The following NEBL variants were observed in gnomAD, a reference collection of about 807,000 sequenced individuals.
NEBL encodes nebulette.
In NEBL, 122 loss-of-function variants were observed where a neutral mutation model predicts 140.2. That is an observed-to-expected ratio of 0.87 (90% confidence interval 0.75 to 1.01). The LOEUF is 1.01. NEBL is among the 50% of genes least tolerant of loss of function. The pLI, the probability that NEBL is intolerant of heterozygous loss-of-function variation, is 0.00. For missense variants in NEBL, 1,365 were observed against 1,231.3 expected (o/e 1.11, Z -1.62); for synonymous variants, 436 against 398.9 (o/e 1.09, Z -1.11).
intron 3 of NEBL, among the ~76,000 whole-genome samples, chr10:21,216,163 G>A (rs1426223262): frequency 1.3e-5 from 2 of 152,140 alleles, no homozygotes; most frequent in Admixed American, 6.6e-5. Flanking sequence ...CCAGCCACGA[G>A]TTGTCTACAG....
chr10:20,838,250 C>T (rs1207151327), intron 13 of NEBL, among the ~76,000 whole-genome samples: 1 of 152,096 alleles, frequency 6.6e-6, no homozygotes, highest in Admixed American at 6.5e-5. Context: ...GAGAGAAGTA[C>T]AAAATATCAA....
At chr10:21,280,568 G>A (rs1261341280) in intron 1 of NEBL, among the ~76,000 whole-genome samples, 2 of 150,128 alleles carry the variant, frequency 1.3e-5, no homozygotes, top group Non-Finnish European at 3.0e-5. Flanking sequence ...TCAAGAAAGA[G>A]CCAAGACTTC....
chr10:20,839,060 G>A (rs1313745900), intron 13 of NEBL, among the ~76,000 whole-genome samples: 2 of 152,106 alleles, frequency 1.3e-5, no homozygotes, highest in Non-Finnish European at 2.9e-5. Context: ...CTCCATGTAG[G>A]ATCCATTGTG....
rs1379140341 is a variant in NEBL at position 20,785,420 on chromosome 10, A to C, written c.*327T>G. On this transcript the variant is annotated 3_prime_UTR_variant, in exon 28 of 28. Transcript: ENST00000377122. ...CTAAGAAGTTTCAAACACACACTAC[A>C]TTTAAGGGACAATCAACTTCTCTAT... is the stretch of plus-strand genomic sequence containing the variant. 2.8e-6 allele frequency: 1 copy of C among 351,472 alleles called. No homozygotes were observed. The highest frequency in any genetic ancestry group is 5.4e-6 in the Non-Finnish European group (1 of 185,008). The allele number at this position is 351,472 out of a possible 1,614,324, so 21.8% of individuals were successfully genotyped here.
intron 2 of NEBL, chr10:21,030,074 C>T: frequency 2.1e-6 from 1 of 468,458 alleles, no homozygotes; most frequent in Non-Finnish European, 4.1e-6. Flanking sequence ...CCAGTCCGGT[C>T]GAGCTTATTT....
intron 2 of NEBL, chr10:21,029,946 T>A: frequency 1.8e-6 from 1 of 567,032 alleles, no homozygotes. Flanking sequence ...CCAGAGATGA[T>A]TTCTCTCGGG....
intron 18 of NEBL, among the ~76,000 whole-genome samples, chr10:20,823,842 G>T (rs1251390702): frequency 6.6e-6 from 1 of 152,060 alleles, no homozygotes; most frequent in Non-Finnish European, 1.5e-5. Flanking sequence ...GAAAAAGGGA[G>T]ATGGAAGGAA....
intron 2 of NEBL, chr10:21,146,226 G>T: frequency 1.3e-6 from 1 of 779,774 alleles, no homozygotes; most frequent in Non-Finnish European, 2.1e-6. Flanking sequence ...CATGCAGAGG[G>T]TACTCCGTTC....
Position 21,273,904 on chromosome 10 carries a change from G to A in NEBL, n.182+18926C>T, listed in dbSNP as rs114747319. Among the ~76,000 whole-genome samples, 287 of 152,274 alleles carry A rather than the reference G, an allele frequency of 1.9e-3. 2 individuals carry two copies. Among genetic ancestry groups the A allele is most frequent in the African/African-American group, 6.3e-3 (261 of 41,558 alleles). ...CCCTGCAGCAGATGCTGTAAGTCCTGCTCACATTCCCTCTGCCCACGCTAG... is the reference window on the plus strand; with the variant it reads ...CCCTGCAGCAGATGCTGTAAGTCCTACTCACATTCCCTCTGCCCACGCTAG... On this transcript the variant is annotated intron_variant and non_coding_transcript_variant, in intron 1 of 8. Transcript: ENST00000675702.
intron 2 of NEBL, among the ~76,000 whole-genome samples, chr10:21,053,151 A>G (rs1173740898): frequency 6.6e-6 from 1 of 152,222 alleles, no homozygotes; most frequent in Non-Finnish European, 1.5e-5. Context: ...AATGAAAATA[A>G]ATAAATACAT....
At chr10:21,288,480 A>G (rs1843090676) in intron 1 of NEBL, among the ~76,000 whole-genome samples, 1 of 138,904 alleles carries the variant, frequency 7.2e-6, no homozygotes, top group Non-Finnish European at 1.5e-5. Flanking sequence ...AAAAGAGAAA[A>G]AGCCCGACGC....
rs185001841 is a variant in NEBL at position 21,048,188 on chromosome 10, C to T, written c.165-27987G>A. Among the ~76,000 whole-genome samples, 20 of 152,330 alleles carry T rather than the reference C, an allele frequency of 1.3e-4. No homozygotes were observed. The East Asian group carries it at 3.1e-3, about 23-fold the overall frequency. On this transcript the variant is annotated intron_variant, in intron 2 of 6. Coordinates refer to the NEBL transcript ENST00000417816. Reference sequence around the variant, plus strand: ...GGCAATTTCAGTCTTGTTCTCCCCTCGCACGCTGTCCTCAAAGAGTTGGTA... The same window carrying T: ...GGCAATTTCAGTCTTGTTCTCCCCTTGCACGCTGTCCTCAAAGAGTTGGTA...
At chr10:21,179,360 C>G (rs1408649741), upstream of NEBL, among the ~76,000 whole-genome samples, 1 of 152,128 alleles carries the variant, frequency 6.6e-6, no homozygotes, top group Non-Finnish European at 1.5e-5. Flanking sequence ...TCTTGCAGGT[C>G]CTGCATACCA....
At chr10:21,275,377 T>C (rs1412668345) in intron 1 of NEBL, among the ~76,000 whole-genome samples, 3 of 152,172 alleles carry the variant, frequency 2.0e-5, no homozygotes, top group African/African-American at 7.2e-5. Flanking sequence ...AATCACTAGA[T>C]TTGGACAAGT....
rs910922492 is a variant in NEBL at position 20,991,593 on chromosome 10, T to A, written c.249+28524A>T. Among the ~76,000 whole-genome samples, 8 of 152,264 alleles carry A rather than the reference T, an allele frequency of 5.3e-5. No homozygotes were observed. In the South Asian group the frequency reaches 1.0e-3, roughly 20 times the overall value. On this transcript the variant is annotated intron_variant, in intron 3 of 6. Transcript: ENST00000417816. ...TATAAATGCTCATTTTTCCTTTTTT[T>A]GTTTTGTTTTTAATTTTTTTAATTT...
chr10:20,840,714 T>C (rs182307371), intron 13 of NEBL, 25 bp downstream of exon 13: 16 of 1,428,616 alleles, frequency 1.1e-5, no homozygotes, highest in African/African-American at 8.4e-5. Flanking sequence ...CATATTCATC[T>C]AAGGTGTTAA....
intron 3 of NEBL, among the ~76,000 whole-genome samples, chr10:21,196,313 T>TTTTATTTA (rs10629849): frequency 0.038 from 5,324 of 140,534 alleles, 120 homozygotes; most frequent in East Asian, 0.05. Flanking sequence ...ATATTTTTAT[T>TTTTATTTA]TTTATTTATT....
At chr10:21,116,017 C>G (rs560028938) in intron 2 of NEBL, among the ~76,000 whole-genome samples, 1 of 152,098 alleles carries the variant, frequency 6.6e-6, no homozygotes, top group Admixed American at 6.6e-5. Flanking sequence ...GTTTATCCCT[C>G]TCATGTATCT....
chr10:21,202,588 A>G (rs1219989433), intron 3 of NEBL, among the ~76,000 whole-genome samples: 1 of 148,310 alleles, frequency 6.7e-6, no homozygotes. Flanking sequence ...TCAGCCTCCC[A>G]AGTAGCTGGG....
Sources: allele counts gnomAD v4.1 joint callset (sites outside exome capture counted in the v4.1 genomes callset), GRCh38; gene constraint gnomAD v4.1.1; transcripts MANE v1.5; gene names NCBI Gene and HGNC (gene_info 2026-07-23, HGNC 2026-07-21).